The following TIAM1 variants were observed in gnomAD, a reference collection of about 807,000 sequenced individuals.
TIAM1 encodes the protein rho guanine nucleotide exchange factor TIAM1.
A neutral mutation model predicts 163.5 loss-of-function variants in TIAM1; 65 were observed. That is an observed-to-expected ratio of 0.40 (90% CI 0.33 to 0.49). The LOEUF (loss-of-function observed/expected upper bound fraction) is 0.49, where lower values mean the gene tolerates loss of function less well. TIAM1 is among the 20% of genes least tolerant of loss of function. TIAM1 has a pLI of 0.77. For missense variants in TIAM1, 1,789 were observed against 2,044.7 expected (o/e 0.87, Z 2.41); for synonymous variants, 833 against 810.1 (o/e 1.03, Z -0.48).
intron 12 of TIAM1, among the ~76,000 whole-genome samples, chr21:31,199,501 C>T (rs2086077377): frequency 6.6e-6 from 1 of 151,706 alleles, no homozygotes; most frequent in Non-Finnish European, 1.5e-5. Context: ...CTGCCCAGGC[C>T]TTAGCCAGCT....
intron 6 of TIAM1, among the ~76,000 whole-genome samples, chr21:31,236,993 T>C (rs1028875909): frequency 1.3e-5 from 2 of 152,134 alleles, no homozygotes; most frequent in African/African-American, 4.8e-5. Context: ...CAGGACTCTG[T>C]GGGTGAATAT....
chr21:31,357,332 T>C (rs1049225037), intron 2 of TIAM1, among the ~76,000 whole-genome samples: 1 of 152,206 alleles, frequency 6.6e-6, no homozygotes, highest in Admixed American at 6.5e-5. Context: ...TTTCTTCCCA[T>C]CTGATGACCT....
intron 2 of TIAM1, among the ~76,000 whole-genome samples, chr21:31,299,916 G>A (rs1302662769): frequency 6.6e-6 from 1 of 152,166 alleles, no homozygotes; most frequent in African/African-American, 2.4e-5. Flanking sequence ...ACCAAAGGTC[G>A]GATCTTTCCT....
intron 19 of TIAM1, among the ~76,000 whole-genome samples, chr21:31,147,284 G>T (rs150940011): frequency 8.5e-5 from 13 of 152,118 alleles, no homozygotes; most frequent in South Asian, 4.2e-4. Context: ...TAACCTATCC[G>T]GGCTGTTTGA....
chr21:31,306,768 G>T (rs774474461), intron 2 of TIAM1, among the ~76,000 whole-genome samples: 8 of 152,188 alleles, frequency 5.3e-5, no homozygotes, highest in Non-Finnish European at 1.0e-4. Context: ...AACTGTTCCT[G>T]ACTGAAGGAG....
chr21:31,477,827 A>G (rs969384471), intron 1 of TIAM1, among the ~76,000 whole-genome samples: 8 of 152,236 alleles, frequency 5.3e-5, no homozygotes, highest in African/African-American at 1.9e-4. Context: ...GCATGTTGGT[A>G]TCATGGCATG....
intron 2 of TIAM1, among the ~76,000 whole-genome samples, chr21:31,428,013 G>A (rs1187960849): frequency 6.6e-6 from 1 of 152,168 alleles, no homozygotes; most frequent in Non-Finnish European, 1.5e-5. Flanking sequence ...TGTAATCCCA[G>A]CACTTTGGGA....
intron 1 of TIAM1, among the ~76,000 whole-genome samples, chr21:31,554,164 C>T (rs966024957): frequency 6.6e-6 from 1 of 152,072 alleles, no homozygotes; most frequent in Admixed American, 6.6e-5. Flanking sequence ...CACAGAGAAG[C>T]GTGTTTTGGG....
intron 8 of TIAM1, among the ~76,000 whole-genome samples, chr21:31,222,676 C>CAAATATAT (rs1310227960): frequency 6.4e-4 from 31 of 48,240 alleles, no homozygotes; most frequent in African/African-American, 2.0e-3. Flanking sequence ...TGTACACATA[C>CAAATATAT]ATATATATAT....
At chr21:31,535,088 T>C (rs1408455911) in intron 1 of TIAM1, among the ~76,000 whole-genome samples, 1 of 147,216 alleles carries the variant, frequency 6.8e-6, no homozygotes, top group African/African-American at 2.5e-5. Flanking sequence ...AGACCCTGTC[T>C]CAAAAAAAAA....
chr21:31,220,770 G>A (rs1258151958), intron 8 of TIAM1, among the ~76,000 whole-genome samples: 1 of 152,222 alleles, frequency 6.6e-6, no homozygotes, highest in Non-Finnish European at 1.5e-5. Flanking sequence ...CAGAAGAACT[G>A]CTGGACCAGA....
intron 2 of TIAM1, among the ~76,000 whole-genome samples, chr21:31,382,229 T>C (rs1053693084): frequency 5.3e-5 from 8 of 152,352 alleles, no homozygotes; most frequent in Middle Eastern, 3.4e-3. Context: ...TGGGGCTAGA[T>C]GTTTGAACGC....
chr21:31,145,575 C>G (rs1306065144), intron 20 of TIAM1, among the ~76,000 whole-genome samples: 1 of 152,214 alleles, frequency 6.6e-6, no homozygotes, highest in Non-Finnish European at 1.5e-5. Flanking sequence ...TCTGGAGACT[C>G]TCAGAATGTT....
intron 2 of TIAM1, among the ~76,000 whole-genome samples, chr21:31,461,060 A>G (rs2045307376): frequency 6.6e-6 from 1 of 152,216 alleles, no homozygotes; most frequent in Admixed American, 6.5e-5. Context: ...CCTTAGCATG[A>G]AATAGTCAAT....
chr21:31,422,110 C>A (rs375599752), intron 2 of TIAM1, among the ~76,000 whole-genome samples: 2 of 152,112 alleles, frequency 1.3e-5, no homozygotes, highest in East Asian at 1.9e-4. Context: ...CAGAGAACTG[C>A]GAGAGAATAT....
chr21:31,497,603 T>C (rs764583540), intron 1 of TIAM1, among the ~76,000 whole-genome samples: 2 of 152,234 alleles, frequency 1.3e-5, no homozygotes, highest in African/African-American at 4.8e-5. Flanking sequence ...TTTACTTTTA[T>C]ATATTTTGAA....
intron 1 of TIAM1, among the ~76,000 whole-genome samples, chr21:31,558,698 C>T (rs1476550512): frequency 6.6e-6 from 1 of 152,144 alleles, no homozygotes; most frequent in South Asian, 2.1e-4. Flanking sequence ...AGGGATGCCT[C>T]CTCCTGCCTC....
rs781153297 is a variant in TIAM1 at position 31,181,756 on chromosome 21, C to CT, written c.2887+664dup. On this transcript the variant is annotated intron_variant, in intron 15 of 27. Transcript: ENST00000541036. ...CCCAGCACTTCTTCTTCTTCTTCTT[C>CT]TTTTTTTTTTTTTTTTTTTTTTTTT... Among the ~76,000 whole-genome samples the CT allele has an allele frequency of 4.8e-5, 2 of 41,332 alleles. 1 individual carries two copies. Among genetic ancestry groups the CT allele is most frequent in the African/African-American group, 1.6e-4 (2 of 12,658 alleles). 27.1% of individuals were successfully genotyped at this position (41,332 alleles called of 152,430 possible). A position where few individuals can be genotyped will look rare whatever the true frequency, so the allele number is the denominator to read the frequency against.
rs992507757 is a variant in TIAM1, at chr21:31,120,182, A to AT, written c.*185dup. ...TCAAGCTTATTTGGGATTCTGATCAATTCTTTCTGATGTTGTTGAAAATGA... is the reference window on the plus strand; with the variant it reads ...TCAAGCTTATTTGGGATTCTGATCAATTTCTTTCTGATGTTGTTGAAAATGA... On this transcript the variant is annotated 3_prime_UTR_variant, in exon 28 of 28. Transcript: ENST00000541036. This position sits in a 1 kb window ranked among gnomAD's most constrained non-coding sequence, Gnocchi z 4.2. 10 of 578,272 alleles carry AT rather than the reference A, an allele frequency of 1.7e-5. No individual in the cohort carries two copies. The highest frequency in any genetic ancestry group is 4.5e-4 in the Middle Eastern group (1 of 2,230). 35.8% of individuals were successfully genotyped at this position (578,272 alleles called of 1,614,324 possible).
Sources: gnomAD v4.1 joint callset for allele counts (sites outside exome capture counted in the v4.1 genomes callset) on GRCh38, gnomAD v4.1.1 for gene constraint, Gnocchi (gnomAD v3.1) non-coding constraint, MANE v1.5 for transcripts, NCBI Gene and HGNC (gene_info 2026-07-23, HGNC 2026-07-21) for gene names.